The following ZNF667 variants were observed in gnomAD, a reference collection of about 807,000 sequenced individuals.
ZNF667 encodes myocardial ischemic preconditioning upregulated 1 ortholog.
ZNF667 carries 13 observed loss-of-function variants against 31.8 expected under a neutral mutation model. The ratio of observed to expected loss-of-function variants is 0.41; its 90% CI spans 0.27 to 0.65. The LOEUF (loss-of-function observed/expected upper bound fraction) is 0.65, where lower values mean the gene tolerates loss of function less well. ZNF667 is among the 30% of genes least tolerant of loss of function. The probability of loss-of-function intolerance (pLI) is 0.32; values close to 1 mark genes in which losing one functional copy is unlikely to be tolerated. For synonymous variants in ZNF667, 228 were observed against 247.1 expected (o/e 0.92, Z 0.73); for missense variants, 642 against 725.6 (o/e 0.88, Z 1.32).
intron 6 of ZNF667, among the ~76,000 whole-genome samples, chr19:56,452,269 C>G (rs1266349913): frequency 1.3e-5 from 2 of 152,104 alleles, no homozygotes; most frequent in Admixed American, 1.3e-4. Context: ...AGGCTGGTTT[C>G]GAACTCCTGA....
upstream of ZNF667, chr19:56,477,418 G>GC (rs2043439801): frequency 6.6e-6 from 1 of 151,936 alleles, no homozygotes; most frequent in East Asian, 2.0e-4. Context: ...GCGTGGCCCC[G>GC]CCCCCAAACA....
At chr19:56,477,011 G>C (rs538221940) in intron 1 of ZNF667, 1 of 152,468 alleles carries the variant, frequency 6.6e-6, no homozygotes, top group African/African-American at 2.4e-5. Context: ...AGGCACACAC[G>C]GCTCGCCTCA....
intron 3 of ZNF667, chr19:56,470,135 G>A: frequency 2.4e-6 from 1 of 422,844 alleles, no homozygotes; most frequent in African/African-American, 2.0e-5. Flanking sequence ...GCAAAGGGAG[G>A]ACAAAGGGCT....
At chr19:56,452,868 G>A (rs901842731) in intron 6 of ZNF667, among the ~76,000 whole-genome samples, 6 of 151,220 alleles carry the variant, frequency 4.0e-5, no homozygotes, top group East Asian at 2.0e-4. Flanking sequence ...GCAGTGAGCC[G>A]AGATTGTGCC....
intron 1 of ZNF667, chr19:56,474,815 G>A (rs1450709372): frequency 2.0e-5 from 3 of 152,074 alleles, no homozygotes; most frequent in Non-Finnish European, 4.4e-5. Flanking sequence ...TGGGGATTGA[G>A]TCTGACCCGC....
intron 6 of ZNF667, among the ~76,000 whole-genome samples, chr19:56,451,032 C>T (rs988383297): frequency 6.6e-6 from 1 of 152,028 alleles, no homozygotes; most frequent in Non-Finnish European, 1.5e-5. Flanking sequence ...TCAAAAGCCA[C>T]AGAGTGGCTG....
In ZNF667 at chr19:56,473,277, G is replaced by A. The variant is rs542444359; in HGVS notation, c.-549+735C>T. Among the ~76,000 whole-genome samples, 13 of 152,300 alleles carry A rather than the reference G, an allele frequency of 8.5e-5. No homozygotes were observed. The East Asian group carries it at 1.7e-3, about 20-fold the overall frequency. On this transcript the variant is annotated intron_variant, in intron 2 of 6. Transcript: ENST00000504904. ...CTCTATGTGTCCTCTCCCGGCCTGA[G>A]CTTCCTCATATGTAAGATGAGACAA...
At chr19:56,453,865 T>C (rs914598722) in intron 6 of ZNF667, among the ~76,000 whole-genome samples, 4 of 152,094 alleles carry the variant, frequency 2.6e-5, no homozygotes, top group African/African-American at 7.2e-5. Context: ...GAGAAAGAAA[T>C]AAAAGGCATC....
intron 6 of ZNF667, chr19:56,444,340 G>C: frequency 5.0e-6 from 2 of 397,922 alleles, no homozygotes. Context: ...AACAAGGAGA[G>C]AGAGTGTGGA....
chr19:56,475,995 G>A (rs190549745), intron 1 of ZNF667: 1 of 152,248 alleles, frequency 6.6e-6, no homozygotes, highest in East Asian at 1.9e-4. Flanking sequence ...GGACGCCTGC[G>A]GTTATTATGC....
At chr19:56,458,398 G>T in intron 5 of ZNF667, 151 bp from the exon 6 acceptor site, 1 of 654,928 alleles carries the variant, frequency 1.5e-6, no homozygotes, top group Non-Finnish European at 2.7e-6. Flanking sequence ...GTGTGATATT[G>T]TGATTTATAA....
intron 6 of ZNF667, among the ~76,000 whole-genome samples, chr19:56,446,470 G>A (rs2042712125): frequency 6.6e-6 from 1 of 152,170 alleles, no homozygotes; most frequent in Non-Finnish European, 1.5e-5. Flanking sequence ...CTCTTAGGAA[G>A]TCTAGTCTTT....
chr19:56,459,638 G>A (rs1226480912), intron 5 of ZNF667, among the ~76,000 whole-genome samples: 1 of 152,154 alleles, frequency 6.6e-6, no homozygotes, highest in African/African-American at 2.4e-5. Context: ...TACTGTCTCT[G>A]TGTTACATCA....
At chr19:56,454,083 C>T (rs1052777439) in intron 6 of ZNF667, among the ~76,000 whole-genome samples, 3 of 152,038 alleles carry the variant, frequency 2.0e-5, no homozygotes, top group African/African-American at 7.2e-5. Context: ...ATCCCATTTA[C>T]AATAGCTACA....
At chr19:56,472,943 G>A (rs1210774749) in intron 2 of ZNF667, 1 of 152,222 alleles carries the variant, frequency 6.6e-6, no homozygotes, top group Non-Finnish European at 1.5e-5. Context: ...GCTGAGATTA[G>A]AATTCTTATC....
chr19:56,470,061 C>T (rs780280976), intron 3 of ZNF667: 1 of 456,820 alleles, frequency 2.2e-6, no homozygotes, highest in South Asian at 1.5e-5. Flanking sequence ...CTCATGTGTG[C>T]AGCTGTGTGA....
At chr19:56,460,933 C>T (rs2043032615) in intron 4 of ZNF667, 118 bp from the exon 5 acceptor site, 2 of 1,103,952 alleles carry the variant, frequency 1.8e-6, no homozygotes, top group Non-Finnish European at 2.4e-6. Flanking sequence ...ATTCAGGAAG[C>T]ATTCAGGGTT....
chr19:56,446,966 T>C (rs1265301806), intron 6 of ZNF667, among the ~76,000 whole-genome samples: 1 of 152,150 alleles, frequency 6.6e-6, no homozygotes, highest in South Asian at 2.1e-4. Flanking sequence ...TCTCCCCATC[T>C]TCAATGTGGA....
rs572952346 is a variant in ZNF667 at position 56,477,106 on chromosome 19, G to A, written c.-662+166C>T. ...CGCAAACCCCACGCCGTGGCGGGCCGAGAACCCACGCAGGCGCGAGCCCAC... is the reference window on the plus strand; with the variant it reads ...CGCAAACCCCACGCCGTGGCGGGCCAAGAACCCACGCAGGCGCGAGCCCAC... On this transcript the variant is annotated intron_variant, in intron 1 of 6. Coordinates refer to ENST00000504904, the MANE Select transcript of ZNF667 (RefSeq NM_001321356.2). 64 of 152,270 alleles carry A rather than the reference G, an allele frequency of 4.2e-4. 1 individual carries two copies. The highest frequency in any genetic ancestry group is 1.3e-3 in the African/African-American group (53 of 41,524). The allele number at this position is 152,270 out of a possible 1,614,324, so 9.4% of individuals were successfully genotyped here.
Sources: allele counts gnomAD v4.1 joint callset (sites outside exome capture counted in the v4.1 genomes callset), GRCh38; gene constraint gnomAD v4.1.1; transcripts MANE v1.5; gene names NCBI Gene and HGNC (gene_info 2026-07-23, HGNC 2026-07-21).